ZNF462: variants seen among roughly 807,000 people sequenced by gnomAD.
ZNF462 encodes the protein zinc finger PBX1-interacting protein.
In ZNF462, 10 loss-of-function variants were observed where a neutral mutation model predicts 201.9. The observed-to-expected ratio is 0.05, with a 90% CI of 0.03 to 0.08. The LOEUF (loss-of-function observed/expected upper bound fraction) is 0.08, where lower values mean the gene tolerates loss of function less well. ZNF462 is among the 10% of genes least tolerant of loss of function. The pLI, the probability that ZNF462 is intolerant of heterozygous loss-of-function variation, is 1.00. For missense variants in ZNF462, 2,523 were observed against 3,168.3 expected, an observed-to-expected ratio of 0.80 and a Z score of 4.89; for synonymous variants, 1,227 against 1,193.3, an observed-to-expected ratio of 1.03 and a Z score of -0.58.
At chr9:106,998,139 C>T (rs1472516042) in intron 10 of ZNF462, among the ~76,000 whole-genome samples, 3 of 152,166 alleles carry the variant, frequency 2.0e-5, no homozygotes, top group African/African-American at 7.2e-5. Flanking sequence ...TTAACATCAA[C>T]ATGCAGTATT....
rs1564073305 is a variant in ZNF462 at position 106,880,296 on chromosome 9, G to A, written c.-31+16941G>A. Among the ~76,000 whole-genome samples the A allele has an allele frequency of 6.6e-6, 1 of 152,256 alleles. No homozygotes were observed. The highest frequency in any genetic ancestry group is 1.5e-5 in the Non-Finnish European group (1 of 68,038). ...TCAGCTCATGATTCTGTCTGGGCCT[G>A]TGCAGTCCAGGAGCTGGGACAGACT... is the stretch of plus-strand genomic sequence containing the variant. On this transcript the variant is annotated intron_variant, in intron 1 of 12. Coordinates refer to ENST00000277225, the MANE Select transcript of ZNF462 (RefSeq NM_021224.6). The surrounding 1 kb of genome is among the most constrained non-coding windows in gnomAD (Gnocchi z 4.1).
In ZNF462 at chr9:106,926,594, T is replaced by A. The variant is rs1437789903; in HGVS notation, c.2682T>A (p.Asp894Glu). 6.2e-7 allele frequency: 1 copy of A among 1,614,030 alleles called. No individual in the cohort carries two copies. The highest frequency in any genetic ancestry group is 8.5e-7 in the Non-Finnish European group (1 of 1,180,020). The change falls in exon 3 of 13, where the codon GAT becomes GAA. Residue 894 changes from aspartate to glutamate, a missense_variant. This residue lies in a region of ZNF462 where 280 missense variants were observed against 321.3 expected (regional missense o/e 0.87). Transcript: ENST00000277225. The surrounding 1 kb of genome is among the most constrained non-coding windows in gnomAD (Gnocchi z 7.9). The stretch of plus-strand genomic sequence containing the variant: ...ACAGGTGCCTGGAATGCTACATCGA[T>A]TACACCAACTTCGAAGATCTCCAGC... The part of the protein sequence containing the change: ...AVYRCLECYI[D>E]YTNFEDLQQH...
At chr9:106,897,107 T>A (rs1184183242) in intron 1 of ZNF462, among the ~76,000 whole-genome samples, 1 of 152,206 alleles carries the variant, frequency 6.6e-6, no homozygotes, top group East Asian at 1.9e-4. Flanking sequence ...ACACAAACAT[T>A]ATAGAAGTTG....
At chr9:106,985,599 A>G (rs1312510678) in intron 10 of ZNF462, among the ~76,000 whole-genome samples, 2 of 152,236 alleles carry the variant, frequency 1.3e-5, no homozygotes, top group Non-Finnish European at 2.9e-5. Context: ...TTAGCCAACA[A>G]GTCCAAAATA....
intron 10 of ZNF462, among the ~76,000 whole-genome samples, chr9:106,988,051 T>G (rs1265305062): frequency 6.6e-6 from 1 of 152,144 alleles, no homozygotes; most frequent in Non-Finnish European, 1.5e-5. Context: ...ACTATGCTGT[T>G]TTGGTGAGGA....
chr9:106,998,297 G>C (rs1028803950), intron 10 of ZNF462, among the ~76,000 whole-genome samples: 6 of 152,174 alleles, frequency 3.9e-5, no homozygotes, highest in Non-Finnish European at 5.9e-5. Flanking sequence ...AATGTAATCT[G>C]AAGACAAGGG....
At chr9:106,901,772 A>G (rs1231375659) in intron 1 of ZNF462, among the ~76,000 whole-genome samples, 1 of 152,162 alleles carries the variant, frequency 6.6e-6, no homozygotes, top group African/African-American at 2.4e-5. Context: ...TGCTGTATCT[A>G]GAAACTTTGC....
chr9:106,864,058 C>G (rs1252238045), intron 1 of ZNF462, among the ~76,000 whole-genome samples: 6 of 78,014 alleles, frequency 7.7e-5, no homozygotes, highest in East Asian at 3.1e-4. Context: ...CTCTCTCTCT[C>G]TCTCTCTCTC....
chr9:106,925,198 G>C lies in ZNF462; in HGVS notation c.1286G>C (p.Gly429Ala). The C allele has an allele frequency of 6.2e-7, 1 of 1,614,150 alleles. No homozygotes were observed. ...GGCAACAAATTATTGGAGACCAAGG[G>C]GATTCCATTTAGAAGATTCATGAAT... Reference protein sequence around the residue: ...SDGNKLLETKGIPFRRFMNRF... With the variant: ...SDGNKLLETKAIPFRRFMNRF... Residue 429 changes from glycine (G) to alanine (A), a missense_variant, in exon 3 of 13, where the codon GGG becomes GCG. This residue lies in a region of ZNF462 where 480 missense variants were observed against 544.4 expected (regional missense o/e 0.88). Coordinates refer to ENST00000277225, the MANE Select transcript of ZNF462 (RefSeq NM_021224.6). This position sits in a 1 kb window ranked among gnomAD's most constrained non-coding sequence, Gnocchi z 7.9.
chr9:106,932,702 T>A lies in ZNF462; in HGVS notation c.6116+153T>A. ...CCTGGAGCCTCAGTCACCTTTTCTG[T>A]AAAATGGGGCTGAGAACAGGAGATT... On this transcript the variant is annotated intron_variant, in intron 5 of 12. Transcript: ENST00000277225. The surrounding 1 kb of genome is among the most constrained non-coding windows in gnomAD (Gnocchi z 6.8). 1 of 939,594 alleles carries A rather than the reference T, an allele frequency of 1.1e-6. No homozygotes were observed. The highest frequency in any genetic ancestry group is 1.7e-5 in the South Asian group (1 of 59,530). The allele number at this position is 939,594 out of a possible 1,614,324, so 58.2% of individuals were successfully genotyped here.
At chr9:106,941,122 A>G (rs1351072649) in intron 7 of ZNF462, among the ~76,000 whole-genome samples, 6 of 152,068 alleles carry the variant, frequency 3.9e-5, no homozygotes, top group Non-Finnish European at 7.4e-5. Context: ...AGGTCAAGGG[A>G]ATCCTTTAAA....
chr9:106,988,905 G>A (rs567851907), intron 10 of ZNF462, among the ~76,000 whole-genome samples: 1 of 152,270 alleles, frequency 6.6e-6, no homozygotes, highest in East Asian at 1.9e-4. Flanking sequence ...AAACTTTGCT[G>A]AATTCCTTTA....
At chr9:106,903,428 A>G (rs1350152728) in intron 1 of ZNF462, among the ~76,000 whole-genome samples, 1 of 152,114 alleles carries the variant, frequency 6.6e-6, no homozygotes, top group African/African-American at 2.4e-5. Flanking sequence ...TGTTTTGTAT[A>G]TATCTGTTAA....
chr9:106,996,845 A>G (rs765631173), intron 10 of ZNF462, among the ~76,000 whole-genome samples: 4 of 152,254 alleles, frequency 2.6e-5, no homozygotes, highest in Non-Finnish European at 5.9e-5. Flanking sequence ...TTCAAATAGC[A>G]TTTATTGTGT....
rs1387092599 is a variant in ZNF462, at chr9:107,010,029, TCTGA to T, written c.7313+366_7313+369del. On this transcript the variant is annotated intron_variant, in intron 12 of 12. Transcript: ENST00000277225. This position sits in a 1 kb window ranked among gnomAD's most constrained non-coding sequence, Gnocchi z 4.6. Reference sequence around the variant, plus strand: ...AAGATCTGGCTTCTGTTCCTGCCTCTCTGACTGATCATTCCCTGAGTGGCCCTGA... The same window carrying T: ...AAGATCTGGCTTCTGTTCCTGCCTCTCTGATCATTCCCTGAGTGGCCCTGA... Among the ~76,000 whole-genome samples the T allele has an allele frequency of 2.0e-5, 3 of 152,284 alleles. No homozygotes were observed. The South Asian group carries it at 6.2e-4, about 32-fold the overall frequency.
Position 106,928,147 on chromosome 9 carries a change from C to A in ZNF462, c.4235C>A (p.Ala1412Asp), listed in dbSNP as rs755703610. 1 of 1,614,190 alleles carries A rather than the reference C, an allele frequency of 6.2e-7. No homozygotes were observed. The highest frequency in any genetic ancestry group is 8.5e-7 in the Non-Finnish European group (1 of 1,180,030). ...VLLDIIKEKDAVEKPILSSEE... is the reference protein window; with the variant it reads ...VLLDIIKEKDDVEKPILSSEE... ...CTGGACATCATCAAGGAGAAAGATGCTGTGGAGAAGCCCATTCTTTCATCC... is the reference window on the plus strand; with the variant it reads ...CTGGACATCATCAAGGAGAAAGATGATGTGGAGAAGCCCATTCTTTCATCC... The change falls in exon 3 of 13, where the codon GCT becomes GAT. Residue 1412 changes from alanine (A) to aspartate (D), a missense_variant. Ala to Asp is a moderately radical substitution (Grantham distance 126, BLOSUM62 -2). Around this residue, in one of 15 missense-constraint regions of ZNF462, gnomAD observed 165 missense variants for 142.6 expected, o/e 1.16. Transcript: ENST00000277225. The surrounding 1 kb of genome is among the most constrained non-coding windows in gnomAD (Gnocchi z 9.3).
chr9:106,977,190 G>A lies in ZNF462; in HGVS notation c.6832+2917G>A, dbSNP rs893431717. On this transcript the variant is annotated intron_variant, in intron 9 of 12. Transcript: ENST00000277225. The surrounding 1 kb of genome is among the most constrained non-coding windows in gnomAD (Gnocchi z 4.6). ...AGTAGGAAGCTGACCTTGACAAGTC[G>A]AGAGACAGAGCTGCATGTCTGCCTT... 2.6e-5 allele frequency among the ~76,000 whole-genome samples: 4 copies of A among 152,126 alleles called. No individual in the cohort carries two copies. Among genetic ancestry groups the A allele is most frequent in the Non-Finnish European group, 4.4e-5 (3 of 68,028 alleles).
In ZNF462 at chr9:106,984,316, G is replaced by A. The variant is rs1421756974; in HGVS notation, c.6963G>A (p.Lys2321=). The change falls in exon 10 of 13, where the codon AAG becomes AAA. Residue 2321 remains lysine (K), a synonymous_variant. Coordinates refer to ENST00000277225, the MANE Select transcript of ZNF462 (RefSeq NM_021224.6). This position sits in a 1 kb window ranked among gnomAD's most constrained non-coding sequence, Gnocchi z 6.4. The part of the protein sequence containing the change: ...SDESLQQHIE[K]HNELKPYKCQ... ...AGAGCCTCCAGCAACATATAGAAAA[G>A]CACAATGAACTGAAACCTTACAAAT... 9.3e-6 allele frequency: 15 copies of A among 1,613,922 alleles called. No individual in the cohort carries two copies. The highest frequency in any genetic ancestry group is 2.7e-5 in the African/African-American group (2 of 74,888).
chr9:106,861,821 C>G (rs551880178), upstream of ZNF462, among the ~76,000 whole-genome samples: 24 of 152,242 alleles, frequency 1.6e-4, no homozygotes, highest in Middle Eastern at 3.4e-3. Context: ...AATAAAAATT[C>G]AAGGTGTGAA....
Sources: gnomAD v4.1 joint callset for allele counts (sites outside exome capture counted in the v4.1 genomes callset) on GRCh38, gnomAD v4.1.1 for gene constraint, gnomAD v4.1.1 regional missense constraint, Gnocchi (gnomAD v3.1) non-coding constraint, MANE v1.5 for transcripts, NCBI Gene and HGNC (gene_info 2026-07-23, HGNC 2026-07-21) for gene names.